Variants in HMG20A observed in about 807,000 individuals in gnomAD.
HMG20A encodes the protein high mobility group 20A, also known as high mobility group protein 20A.
A neutral mutation model predicts 43.9 loss-of-function variants in HMG20A; 17 were observed. The ratio of observed to expected loss-of-function variants is 0.39; its 90% CI spans 0.27 to 0.58. The LOEUF (loss-of-function observed/expected upper bound fraction) is 0.58. Among genes scored for constraint, HMG20A ranks in the 20% least tolerant of loss-of-function variants. HMG20A has a pLI of 0.59. For missense variants in HMG20A, 341 were observed against 438.2 expected (o/e 0.78, Z 1.98); for synonymous variants, 132 against 147.5 (o/e 0.89, Z 0.76).
At chr15:77,509,152 C>T in the HMG20A span, among the ~76,000 whole-genome samples, 1 of 152,154 alleles carries the variant, frequency 6.6e-6, no homozygotes, top group East Asian at 1.9e-4. Flanking sequence ...ATGCTACTGT[C>T]ATGAAGCTGA....
the HMG20A span, among the ~76,000 whole-genome samples, chr15:77,490,856 G>A: frequency 6.6e-6 from 1 of 152,094 alleles, no homozygotes; most frequent in Non-Finnish European, 1.5e-5. Context: ...CCTGCTATCA[G>A]TTAAAAAGTT....
chr15:77,519,851 G>A, the HMG20A span, among the ~76,000 whole-genome samples: 2 of 152,184 alleles, frequency 1.3e-5, no homozygotes, highest in African/African-American at 2.4e-5. Context: ...GGACTAGTTT[G>A]TTAGTGATCC....
intron 6 of HMG20A, among the ~76,000 whole-genome samples, chr15:77,476,124 T>C (rs1233523789): frequency 6.6e-6 from 1 of 152,204 alleles, no homozygotes; most frequent in Non-Finnish European, 1.5e-5. Context: ...GATTTCCCTC[T>C]TAAGCTGTGA....
intron 2 of HMG20A, among the ~76,000 whole-genome samples, chr15:77,459,601 G>A (rs550764706): frequency 6.6e-6 from 1 of 152,310 alleles, no homozygotes; most frequent in South Asian, 2.1e-4. Context: ...AAGGAAATAA[G>A]GCAACTGGCA....
chr15:77,429,986 C>T (rs1037117818), intron 1 of HMG20A, among the ~76,000 whole-genome samples: 1 of 152,182 alleles, frequency 6.6e-6, no homozygotes, highest in Non-Finnish European at 1.5e-5. Flanking sequence ...ATAGAAGCAA[C>T]AATTTGTAGT....
At chr15:77,516,609 C>A in the HMG20A span, among the ~76,000 whole-genome samples, 1 of 152,300 alleles carries the variant, frequency 6.6e-6, no homozygotes, top group East Asian at 1.9e-4. Context: ...AACAAACCAA[C>A]CAGCTCAACA....
chr15:77,474,425 A>T (rs939311165), intron 6 of HMG20A, among the ~76,000 whole-genome samples: 1 of 152,208 alleles, frequency 6.6e-6, no homozygotes, highest in Non-Finnish European at 1.5e-5. Context: ...GAATTTACCC[A>T]GAATCACTTA....
At chr15:77,434,739 G>A (rs564378513) in intron 1 of HMG20A, among the ~76,000 whole-genome samples, 77 of 152,128 alleles carry the variant, frequency 5.1e-4, no homozygotes, top group Non-Finnish European at 7.6e-4. Flanking sequence ...AAAAGATTGA[G>A]AATATCAAGT....
At chr15:77,473,413 T>G (rs974439821) in intron 6 of HMG20A, among the ~76,000 whole-genome samples, 12 of 152,214 alleles carry the variant, frequency 7.9e-5, no homozygotes, top group African/African-American at 2.7e-4. Context: ...TTCCTGTGCT[T>G]CTTTTTTTCT....
intron 1 of HMG20A, among the ~76,000 whole-genome samples, chr15:77,430,419 AAAG>A (rs1232341711): frequency 2.6e-5 from 4 of 152,262 alleles, no homozygotes; most frequent in Non-Finnish European, 5.9e-5. Flanking sequence ...TGAGAATTAA[AAAG>A]AAAAGTGAAG....
At chr15:77,442,797 G>A (rs181445207) in intron 1 of HMG20A, among the ~76,000 whole-genome samples, 1 of 152,184 alleles carries the variant, frequency 6.6e-6, no homozygotes, top group South Asian at 2.1e-4. Flanking sequence ...AGTATGGAGA[G>A]TCTGGCAAAA....
the HMG20A span, among the ~76,000 whole-genome samples, chr15:77,491,554 G>A: frequency 1.9e-4 from 29 of 152,182 alleles, no homozygotes; most frequent in African/African-American, 5.8e-4. Flanking sequence ...GTAAAGTTGA[G>A]GAAGTCCCTC....
chr15:77,519,373 C>T, the HMG20A span, among the ~76,000 whole-genome samples: 2 of 152,188 alleles, frequency 1.3e-5, no homozygotes, highest in Non-Finnish European at 2.9e-5. Context: ...GGTTATTGTT[C>T]CCACTTACAG....
intron 1 of HMG20A, among the ~76,000 whole-genome samples, chr15:77,431,277 T>C (rs553653257): frequency 6.6e-6 from 1 of 152,322 alleles, no homozygotes; most frequent in Admixed American, 6.5e-5. Context: ...AGTGGCGTGA[T>C]CTCAGCTCAC....
At chr15:77,480,530 T>C (rs2142364156) in intron 9 of HMG20A, among the ~76,000 whole-genome samples, 1 of 151,634 alleles carries the variant, frequency 6.6e-6, no homozygotes, top group East Asian at 1.9e-4. Context: ...GGAGGATCAC[T>C]TAATCCCAGG....
At chr15:77,436,820 T>A (rs182688395) in intron 1 of HMG20A, among the ~76,000 whole-genome samples, 7 of 152,334 alleles carry the variant, frequency 4.6e-5, no homozygotes, top group East Asian at 3.9e-4. Context: ...TTAGAAAGCA[T>A]AAATGTCACA....
downstream of HMG20A, among the ~76,000 whole-genome samples, chr15:77,486,150 A>C (rs1034877489): frequency 6.6e-6 from 1 of 152,218 alleles, no homozygotes; most frequent in Non-Finnish European, 1.5e-5. Context: ...TTAATATAGC[A>C]GTAGTATTCT....
chr15:77,470,201 G>A (rs2072794476), intron 4 of HMG20A, among the ~76,000 whole-genome samples: 1 of 152,164 alleles, frequency 6.6e-6, no homozygotes, highest in Non-Finnish European at 1.5e-5. Flanking sequence ...TGTTCATTTA[G>A]AAGCAGTATT....
chr15:77,453,120 A>T (rs1263085144), intron 1 of HMG20A, among the ~76,000 whole-genome samples: 1 of 152,166 alleles, frequency 6.6e-6, no homozygotes, highest in Non-Finnish European at 1.5e-5. Context: ...CCCAGCTACT[A>T]CTTGGGAGGC....
Sources: gnomAD v4.1 joint callset for allele counts (sites outside exome capture counted in the v4.1 genomes callset) on GRCh38, gnomAD v4.1.1 for gene constraint, MANE v1.5 for transcripts, NCBI Gene and HGNC (gene_info 2026-07-23, HGNC 2026-07-21) for gene names.